TBCK: variants seen among roughly 807,000 people sequenced by gnomAD.
TBCK encodes the protein TBC domain-containing protein kinase-like protein.
In TBCK, 99 loss-of-function variants were observed where a neutral mutation model predicts 113.4. That is an observed-to-expected ratio of 0.87 (90% CI 0.74 to 1.03). TBCK has a LOEUF of 1.03. TBCK is among the 50% of genes least tolerant of loss of function. The pLI, the probability that TBCK is intolerant of heterozygous loss-of-function variation, is 0.00. For missense variants in TBCK, 1,045 were observed against 1,061.3 expected (o/e 0.98, Z 0.21); for synonymous variants, 369 against 370.8 (o/e 1.00, Z 0.05).
intron 22 of TBCK, among the ~76,000 whole-genome samples, chr4:106,179,096 T>C (rs1374396014): frequency 6.6e-6 from 1 of 152,058 alleles, no homozygotes; most frequent in Non-Finnish European, 1.5e-5. Flanking sequence ...TGTAGTAAAA[T>C]GTCTCAGTTT....
Position 106,046,334 on chromosome 4 carries a change from T to C in TBCK, c.*236A>G. ...GCTTTATGTGGCAGTGTGGTAAAAA[T>C]ATATGATCAGATTTCACTGTTAAGA... On this transcript the variant is annotated 3_prime_UTR_variant, in exon 26 of 26. Coordinates refer to ENST00000394708, the MANE Select transcript of TBCK (RefSeq NM_001163435.3). 2.7e-6 allele frequency: 1 copy of C among 370,744 alleles called. No individual in the cohort carries two copies. Among genetic ancestry groups the C allele is most frequent in the Non-Finnish European group, 4.9e-6 (1 of 205,026 alleles). 23.0% of individuals were successfully genotyped at this position (370,744 alleles called of 1,614,324 possible). A position where few individuals can be genotyped will look rare whatever the true frequency, so the allele number is the denominator to read the frequency against.
At chr4:106,047,500 C>T (rs905751027) in intron 25 of TBCK, among the ~76,000 whole-genome samples, 2 of 152,122 alleles carry the variant, frequency 1.3e-5, no homozygotes, top group African/African-American at 4.8e-5. Context: ...TCAATAGTAA[C>T]CCCCACACAT....
chr4:106,264,337 C>T (rs551358412), intron 3 of TBCK, among the ~76,000 whole-genome samples: 1 of 152,088 alleles, frequency 6.6e-6, no homozygotes, highest in African/African-American at 2.4e-5. Context: ...GTAAAAAAGA[C>T]AGGTAGGTCT....
rs559471345 is a variant in TBCK, at chr4:106,155,565, T to C, written c.2235+15530A>G. Among the ~76,000 whole-genome samples the C allele has an allele frequency of 2.9e-4, 44 of 152,242 alleles. No individual in the cohort carries two copies. In the South Asian group the frequency reaches 3.5e-3, roughly 12 times the overall value. On this transcript the variant is annotated intron_variant, in intron 23 of 25. Coordinates refer to ENST00000394708, the MANE Select transcript of TBCK (RefSeq NM_001163435.3). Reference sequence around the variant, plus strand: ...TCCTAGACCCTATAGGTATGCTTCATTGTTTTTTATTCTTTTCTCTTTTGT... The same window carrying C: ...TCCTAGACCCTATAGGTATGCTTCACTGTTTTTTATTCTTTTCTCTTTTGT...
intron 25 of TBCK, among the ~76,000 whole-genome samples, chr4:106,063,134 T>C (rs1182922232): frequency 1.3e-5 from 2 of 151,968 alleles, no homozygotes; most frequent in Admixed American, 6.6e-5. Flanking sequence ...TGCATTAATA[T>C]ATAAACTATT....
At position 106,280,732 on chromosome 4, in the gene TBCK, T is replaced by A. The variant is rs189353373; in HGVS notation, c.266+14362A>T. Among the ~76,000 whole-genome samples, 322 of 152,234 alleles carry A rather than the reference T, an allele frequency of 2.1e-3. 2 individuals are homozygous for A. Among genetic ancestry groups the A allele is most frequent in the African/African-American group, 6.7e-3 (280 of 41,570 alleles). The stretch of plus-strand genomic sequence containing the variant: ...TCTTGACGCCTTTGGTAAAAATGAA[T>A]TCATTGTAAATGTAAGGATTTGTTT... On this transcript the variant is annotated intron_variant, in intron 3 of 25. Coordinates refer to ENST00000394708, the MANE Select transcript of TBCK (RefSeq NM_001163435.3).
intron 18 of TBCK, among the ~76,000 whole-genome samples, chr4:106,231,409 G>GC (rs1758843939): frequency 6.6e-6 from 1 of 151,824 alleles, no homozygotes; most frequent in African/African-American, 2.4e-5. Flanking sequence ...CTTTGGAGAT[G>GC]CAAGGTTATG....
Position 106,244,650 on chromosome 4 carries a change from T to G in TBCK, c.1046A>C (p.Lys349Thr), listed in dbSNP as rs749956982. Residue 349 changes from lysine (K) to threonine (T), a missense_variant, in exon 11 of 26, where the codon AAA becomes ACA. By Grantham distance (78) the Lys-to-Thr change is moderately conservative. Transcript: ENST00000394708. Reference protein sequence around the residue: ...ELVNKEIIRSKPPICTLPNFL... With the variant: ...ELVNKEIIRSTPPICTLPNFL... ...CTTGGGGAGTGTGCAGATAGGTGGT[T>G]TGGATCGAATGATTTCCTTGTTGAC... The G allele has an allele frequency of 1.9e-6, 3 of 1,610,934 alleles. No individual in the cohort carries two copies. The South Asian group carries it at 3.3e-5, about 18-fold the overall frequency.
At chr4:106,161,161 T>G (rs1177717925) in intron 23 of TBCK, among the ~76,000 whole-genome samples, 1 of 152,116 alleles carries the variant, frequency 6.6e-6, no homozygotes, top group Non-Finnish European at 1.5e-5. Flanking sequence ...TTAATACCAC[T>G]AACTGTACAC....
intron 23 of TBCK, among the ~76,000 whole-genome samples, chr4:106,122,285 T>A: frequency 1.3e-5 from 2 of 151,956 alleles, no homozygotes; most frequent in African/African-American, 4.8e-5. Context: ...AAGAAATGGA[T>A]AAATTCCTCG....
chr4:106,158,599 C>T (rs971335598), intron 23 of TBCK, among the ~76,000 whole-genome samples: 1 of 151,862 alleles, frequency 6.6e-6, no homozygotes, highest in Non-Finnish European at 1.5e-5. Context: ...AGACTAAAAT[C>T]AGAAAGAGTT....
intron 3 of TBCK, among the ~76,000 whole-genome samples, chr4:106,264,348 C>T (rs1169510444): frequency 6.6e-6 from 1 of 151,980 alleles, no homozygotes; most frequent in East Asian, 1.9e-4. Flanking sequence ...AGGTAGGTCT[C>T]TGGAAAATGT....
At chr4:106,291,540 T>A (rs1038706098) in intron 3 of TBCK, among the ~76,000 whole-genome samples, 1 of 152,316 alleles carries the variant, frequency 6.6e-6, no homozygotes, top group African/African-American at 2.4e-5. Context: ...CTTTGTCACA[T>A]GGAGACCAAG....
At chr4:106,163,996 G>C (rs1579094213) in intron 23 of TBCK, among the ~76,000 whole-genome samples, 2 of 151,978 alleles carry the variant, frequency 1.3e-5, no homozygotes, top group Admixed American at 6.6e-5. Context: ...ATTATTATTT[G>C]CTTATTTTTT....
At chr4:106,080,299 A>C (rs998393279) in intron 25 of TBCK, among the ~76,000 whole-genome samples, 2 of 152,220 alleles carry the variant, frequency 1.3e-5, no homozygotes, top group Non-Finnish European at 2.9e-5. Context: ...ATAGTAACCC[A>C]AACAGCATGA....
At chr4:106,316,364 G>A (rs909621189), upstream of TBCK, 1 of 614,974 alleles carries the variant, frequency 1.6e-6, no homozygotes, top group East Asian at 2.9e-5. Context: ...GACGGGGGGG[G>A]TCGATTGAAA....
intron 25 of TBCK, among the ~76,000 whole-genome samples, chr4:106,069,589 G>A (rs1175606275): frequency 6.6e-6 from 1 of 152,160 alleles, no homozygotes; most frequent in African/African-American, 2.4e-5. Flanking sequence ...GATGCCTCCA[G>A]CTTTGTTCTT....
chr4:106,090,843 C>T (rs1740137159), intron 25 of TBCK, among the ~76,000 whole-genome samples: 1 of 152,180 alleles, frequency 6.6e-6, no homozygotes, highest in African/African-American at 2.4e-5. Flanking sequence ...ACTTAATCAG[C>T]CTGGACTTTA....
chr4:106,290,411 C>T (rs1441414517), intron 3 of TBCK, among the ~76,000 whole-genome samples: 9 of 152,146 alleles, frequency 5.9e-5, no homozygotes, highest in Middle Eastern at 3.4e-3. Context: ...CTCCTGACCT[C>T]GTGATCCGCC....
Sources: gnomAD v4.1 joint callset for allele counts (sites outside exome capture counted in the v4.1 genomes callset) on GRCh38, gnomAD v4.1.1 for gene constraint, MANE v1.5 for transcripts, NCBI Gene and HGNC (gene_info 2026-07-23, HGNC 2026-07-21) for gene names.